Variants in PLEKHG1 observed in about 807,000 individuals in gnomAD.
PLEKHG1 encodes the protein pleckstrin homology domain-containing family G member 1.
In PLEKHG1, 44 loss-of-function variants were observed where a neutral mutation model predicts 100.8. That is an observed-to-expected ratio of 0.44 (90% CI 0.34 to 0.56). The LOEUF (loss-of-function observed/expected upper bound fraction) is 0.56. Among genes scored for constraint, PLEKHG1 ranks in the 20% least tolerant of loss-of-function variants. The pLI is 0.01. For synonymous variants in PLEKHG1, 640 were observed against 662.5 expected (o/e 0.97, Z 0.52); for missense variants, 1,545 against 1,720.9 (o/e 0.90, Z 1.81).
intron 3 of PLEKHG1, among the ~76,000 whole-genome samples, chr6:150,658,249 A>G (rs191366815): frequency 1.4e-3 from 208 of 152,340 alleles, no homozygotes; most frequent in Non-Finnish European, 2.4e-3. Context: ...GGAAGGTTAC[A>G]TCTGTGATAA....
chr6:150,801,158 G>A (rs930287792), intron 6 of PLEKHG1, among the ~76,000 whole-genome samples: 3 of 152,136 alleles, frequency 2.0e-5, no homozygotes, highest in Admixed American at 1.3e-4. Context: ...GCTATCATGC[G>A]AATGAAAAAC....
intron 15 of PLEKHG1, among the ~76,000 whole-genome samples, chr6:150,839,508 A>C (rs1318617312): frequency 6.6e-6 from 1 of 152,214 alleles, no homozygotes; most frequent in Non-Finnish European, 1.5e-5. Context: ...TGTTTTCAGC[A>C]CTGACACTGT....
At chr6:150,716,326 G>T (rs918033627), upstream of PLEKHG1, among the ~76,000 whole-genome samples, 1 of 152,058 alleles carries the variant, frequency 6.6e-6, no homozygotes, top group Non-Finnish European at 1.5e-5. Context: ...AAATTGTTAC[G>T]CTCCTTGTGT....
chr6:150,831,250 T>G lies in PLEKHG1; in HGVS notation c.2139T>G (p.Leu713=), dbSNP rs1302793808. ...AAGCTGGCCACAGTAAGGGCTCTCT[T>G]TACGCACAAACAGATGGCACCCTCT... Residue 713 remains leucine, a synonymous_variant, in exon 15 of 16, where the codon CTT becomes CTG. Transcript: ENST00000358517. This position sits in a 1 kb window ranked among gnomAD's most constrained non-coding sequence, Gnocchi z 4.1. 8 of 1,613,912 alleles carry G rather than the reference T, an allele frequency of 5.0e-6. No homozygotes were observed. The highest frequency in any genetic ancestry group is 6.8e-6 in the Non-Finnish European group (8 of 1,180,018).
chr6:150,702,380 G>A (rs1780824995), intron 3 of PLEKHG1, among the ~76,000 whole-genome samples: 1 of 152,110 alleles, frequency 6.6e-6, no homozygotes, highest in Non-Finnish European at 1.5e-5. Flanking sequence ...TGAGGCAGGA[G>A]AATCGCTTGA....
At chr6:150,707,425 G>A (rs760616090) in intron 3 of PLEKHG1, among the ~76,000 whole-genome samples, 5 of 152,092 alleles carry the variant, frequency 3.3e-5, no homozygotes, top group East Asian at 1.9e-4. Context: ...ATGTGCCCAC[G>A]TGTATAATCC....
At chr6:150,804,176 T>TATATATATATATATATATATA (rs55868220) in intron 6 of PLEKHG1, among the ~76,000 whole-genome samples, 39 of 24,744 alleles carry the variant, frequency 1.6e-3, no homozygotes, top group Admixed American at 3.3e-3. Flanking sequence ...TATATATATA[T>TATATATATATATATATATATA]TTTTTTTTTT....
chr6:150,707,657 C>T (rs924536414), intron 3 of PLEKHG1, among the ~76,000 whole-genome samples: 2 of 152,018 alleles, frequency 1.3e-5, no homozygotes, highest in Admixed American at 6.6e-5. Context: ...CCCCAAGCCC[C>T]CCAAAAATCT....
chr6:150,828,331 T>TCAGTGCGG lies in PLEKHG1; in HGVS notation c.1471-2249_1471-2242dup, dbSNP rs530062609. Reference sequence around the variant, plus strand: ...GCCGATTGAAGACGTGTTGCTCTCCTCAGTGCGGCGCTCTGTCCTCATGAA... The same window carrying TCAGTGCGG: ...GCCGATTGAAGACGTGTTGCTCTCCTCAGTGCGGCAGTGCGGCGCTCTGTCCTCATGAA... On this transcript the variant is annotated intron_variant, in intron 14 of 15. Coordinates refer to ENST00000358517, the Ensembl canonical transcript of PLEKHG1. The TCAGTGCGG allele has an allele frequency of 4.1e-4, 658 of 1,611,762 alleles. 2 individuals are homozygous for TCAGTGCGG. In the East Asian group the frequency reaches 0.012, roughly 30 times the overall value.
intron 2 of PLEKHG1, among the ~76,000 whole-genome samples, chr6:150,646,254 G>C (rs1361971033): frequency 1.3e-5 from 2 of 151,648 alleles, no homozygotes; most frequent in Non-Finnish European, 2.9e-5. Context: ...CCCCTCTCTT[G>C]TTCTTATCTA....
At chr6:150,731,646 A>G (rs376252349) in intron 1 of PLEKHG1, among the ~76,000 whole-genome samples, 2 of 152,206 alleles carry the variant, frequency 1.3e-5, no homozygotes, top group Admixed American at 6.5e-5. Flanking sequence ...CCTTCCAAAC[A>G]TAAGTTTCCC....
chr6:150,628,549 CA>C (rs1562393362), intron 1 of PLEKHG1, among the ~76,000 whole-genome samples: 2 of 148,840 alleles, frequency 1.3e-5, no homozygotes, highest in Non-Finnish European at 3.0e-5. Flanking sequence ...CACACACACA[CA>C]CACACACACA....
chr6:150,740,654 G>A (rs1782808625), intron 2 of PLEKHG1, among the ~76,000 whole-genome samples: 1 of 152,108 alleles, frequency 6.6e-6, no homozygotes, highest in Non-Finnish European at 1.5e-5. Context: ...TCGTTATGTG[G>A]GTGGATTTAA....
At position 150,670,231 on chromosome 6, in the gene PLEKHG1, GT is replaced by G. The variant is rs557178163; in HGVS notation, c.-99+19452del. 3.7e-4 allele frequency among the ~76,000 whole-genome samples: 57 copies of G among 152,144 alleles called. No individual in the cohort carries two copies. The South Asian group carries it at 6.8e-3, about 18-fold the overall frequency. On this transcript the variant is annotated intron_variant, in intron 3 of 3. Transcript: ENST00000367326. ...TTTTCAAAAATCAGTAACATTGTGG[GT>G]TTTTTTCTAATAAAAAATCAACTTA...
intron 3 of PLEKHG1, among the ~76,000 whole-genome samples, chr6:150,691,258 C>A (rs986228527): frequency 6.6e-6 from 1 of 152,136 alleles, no homozygotes; most frequent in Non-Finnish European, 1.5e-5. Context: ...GAACTTCCAA[C>A]CTGGTCATGA....
chr6:150,785,611 T>C (rs969481647), intron 3 of PLEKHG1, among the ~76,000 whole-genome samples: 1 of 152,118 alleles, frequency 6.6e-6, no homozygotes, highest in Non-Finnish European at 1.5e-5. Flanking sequence ...TAAAGCACTA[T>C]CTCTATTATA....
chr6:150,797,158 C>G (rs1227301767), intron 5 of PLEKHG1, among the ~76,000 whole-genome samples: 1 of 151,918 alleles, frequency 6.6e-6, no homozygotes, highest in East Asian at 1.9e-4. Context: ...TTTGAGTTAT[C>G]TTAAGGACCA....
rs536526220 is a variant in PLEKHG1 at position 150,724,348 on chromosome 6, A to G, written c.-99+3148A>G. ...AAATGTGCTCAGTGAAAACTCCATCACTAAAGAAAAGGGTAGAGTGGATTT... is the reference window on the plus strand; with the variant it reads ...AAATGTGCTCAGTGAAAACTCCATCGCTAAAGAAAAGGGTAGAGTGGATTT... On this transcript the variant is annotated intron_variant, in intron 1 of 15. Coordinates refer to ENST00000358517, the Ensembl canonical transcript of PLEKHG1. Among the ~76,000 whole-genome samples, 66 of 152,326 alleles carry G rather than the reference A, an allele frequency of 4.3e-4. No individual in the cohort carries two copies. In the South Asian group the frequency reaches 6.6e-3, roughly 15 times the overall value.
chr6:150,698,615 T>G (rs1780645018), intron 3 of PLEKHG1, among the ~76,000 whole-genome samples: 2 of 152,158 alleles, frequency 1.3e-5, no homozygotes, highest in Admixed American at 1.3e-4. Context: ...TTTGGGGAAA[T>G]GAAACAAAAC....
Sources: gnomAD v4.1 joint callset for allele counts (sites outside exome capture counted in the v4.1 genomes callset) on GRCh38, gnomAD v4.1.1 for gene constraint, Gnocchi (gnomAD v3.1) non-coding constraint, MANE v1.5 for transcripts, NCBI Gene and HGNC (gene_info 2026-07-23, HGNC 2026-07-21) for gene names.